Variants in PLCE1 observed in about 807,000 individuals in gnomAD.
PLCE1 encodes 1-phosphatidylinositol 4,5-bisphosphate phosphodiesterase epsilon-1.
In PLCE1, 119 loss-of-function variants were observed where a neutral mutation model predicts 242.8. The observed-to-expected ratio is 0.49, with a 90% CI of 0.42 to 0.57. The LOEUF is 0.57. PLCE1 is among the 20% of genes least tolerant of loss of function. The pLI, the probability that PLCE1 is intolerant of heterozygous loss-of-function variation, is 0.00. For missense variants in PLCE1, 2,441 were observed against 2,788.8 expected (o/e 0.88, Z 2.81); for synonymous variants, 945 against 1,017.4 (o/e 0.93, Z 1.35).
chr10:93,997,432 T>C (rs1303359809), intron 1 of PLCE1, among the ~76,000 whole-genome samples: 4 of 152,044 alleles, frequency 2.6e-5, no homozygotes, highest in African/African-American at 9.7e-5. Flanking sequence ...GATTAGGGAG[T>C]GTGGACTTCC....
intron 2 of PLCE1, among the ~76,000 whole-genome samples, chr10:94,127,027 G>A (rs1235379326): frequency 2.0e-5 from 3 of 152,140 alleles, no homozygotes; most frequent in African/African-American, 7.2e-5. Flanking sequence ...AGGTGTGTAA[G>A]GCTGACTGTA....
intron 2 of PLCE1, among the ~76,000 whole-genome samples, chr10:94,122,218 A>T (rs1470877025): frequency 6.6e-6 from 1 of 152,108 alleles, no homozygotes; most frequent in African/African-American, 2.4e-5. Context: ...TCTTGCAGGG[A>T]ATTTGTCCCC....
intron 4 of PLCE1, among the ~76,000 whole-genome samples, chr10:94,178,526 G>T (rs2048194905): frequency 1.3e-5 from 2 of 152,200 alleles, no homozygotes; most frequent in Admixed American, 1.3e-4. Context: ...CTTCTGTCCA[G>T]TAGGTTTCAC....
chr10:94,156,155 C>T (rs2136163936), intron 3 of PLCE1, among the ~76,000 whole-genome samples: 1 of 152,266 alleles, frequency 6.6e-6, no homozygotes, highest in Non-Finnish European at 1.5e-5. Flanking sequence ...CACAACACTT[C>T]TGACACCAAA....
chr10:94,064,031 A>G (rs1016092368), intron 2 of PLCE1, among the ~76,000 whole-genome samples: 3 of 152,088 alleles, frequency 2.0e-5, no homozygotes, highest in African/African-American at 7.2e-5. Flanking sequence ...TGAGAGGTGG[A>G]CTGGGGTCAG....
At chr10:94,235,694 G>A (rs1002526069) in intron 6 of PLCE1, 12 of 979,546 alleles carry the variant, frequency 1.2e-5, no homozygotes, top group African/African-American at 3.5e-5. Flanking sequence ...GTGGAGTGTC[G>A]ATTCCCAGAG....
At position 94,331,682 on chromosome 10, in the gene PLCE1, T is replaced by C. The variant is rs2054157250; in HGVS notation, c.*3739T>C. On this transcript the variant is annotated 3_prime_UTR_variant, in exon 33 of 33. Transcript: ENST00000371380. ...GAGAGAAAAGGGAGATTGTCTCTTA[T>C]ACAGAGTCTAGACTTGGGTCAATAT... 1.3e-5 allele frequency: 2 copies of C among 152,166 alleles called. No individual in the cohort carries two copies. Among genetic ancestry groups the C allele is most frequent in the South Asian group, 2.1e-4 (1 of 4,824 alleles). The allele number at this position is 152,166 out of a possible 1,614,324, so 9.4% of individuals were successfully genotyped here. A position where few individuals can be genotyped will look rare whatever the true frequency, so the allele number is the denominator to read the frequency against.
At chr10:94,176,439 TCTC>T (rs2048128675) in intron 4 of PLCE1, among the ~76,000 whole-genome samples, 1 of 152,144 alleles carries the variant, frequency 6.6e-6, no homozygotes, top group Non-Finnish European at 1.5e-5. Context: ...TCTCTCGTCT[TCTC>T]TTTTTTTCCA....
chr10:94,108,557 AC>A (rs2045838994), intron 2 of PLCE1: 1 of 152,230 alleles, frequency 6.6e-6, no homozygotes, highest in Non-Finnish European at 1.5e-5. Context: ...CAAACAAAAC[AC>A]TTTTCAGGGT....
chr10:94,235,256 G>A (rs956175899), intron 6 of PLCE1, among the ~76,000 whole-genome samples: 4 of 152,076 alleles, frequency 2.6e-5, no homozygotes, highest in Non-Finnish European at 4.4e-5. Context: ...TCTGGGTTAT[G>A]AGCTAGGATA....
At chr10:94,058,438 A>G (rs2043962900) in intron 2 of PLCE1, among the ~76,000 whole-genome samples, 1 of 152,232 alleles carries the variant, frequency 6.6e-6, no homozygotes, top group African/African-American at 2.4e-5. Flanking sequence ...CACGATAATC[A>G]AGTTTGGGAA....
intron 7 of PLCE1, among the ~76,000 whole-genome samples, chr10:94,238,381 A>G (rs549012787): frequency 9.8e-5 from 15 of 152,360 alleles, no homozygotes; most frequent in African/African-American, 3.6e-4. Flanking sequence ...AGTTGTGCCT[A>G]GCGAGCTGAA....
At chr10:94,265,115 G>GC (rs2051466733) in intron 14 of PLCE1, among the ~76,000 whole-genome samples, 1 of 152,184 alleles carries the variant, frequency 6.6e-6, no homozygotes, top group South Asian at 2.1e-4. Context: ...GAGCGGTGTG[G>GC]CTCCATGCAA....
chr10:94,196,398 G>A lies in PLCE1; in HGVS notation c.1809+24902G>A, dbSNP rs557010344. Among the ~76,000 whole-genome samples, 210 of 152,314 alleles carry A rather than the reference G, an allele frequency of 1.4e-3. 1 individual carries two copies. Among genetic ancestry groups the A allele is most frequent in the Middle Eastern group, 6.8e-3 (2 of 294 alleles). On this transcript the variant is annotated intron_variant, in intron 4 of 32. Coordinates refer to ENST00000371380, the MANE Select transcript of PLCE1 (RefSeq NM_016341.4). ...TTGTCACAGCTGGGTAGTGCCCCCA[G>A]AGAAGAAGCAGCTGTAGCCCCAGGA...
At position 94,141,605 on chromosome 10, in the gene PLCE1, AG is replaced by A. The variant is rs2046965370; in HGVS notation, c.1492+9149del. Among the ~76,000 whole-genome samples, 6 of 3,098 alleles carry A rather than the reference AG, an allele frequency of 1.9e-3. 1 individual carries two copies. In the East Asian group the frequency reaches 0.029, roughly 15 times the overall value. The allele number at this position is 3,098 out of a possible 152,430, so 2.0% of individuals were successfully genotyped here. ...TGAAGGGAAGGCTAAGGGAAGGCAAAGGGAAGGAGAAAGGAAGGCAGAAGGA... is the reference window on the plus strand; with the variant it reads ...TGAAGGGAAGGCTAAGGGAAGGCAAAGGAAGGAGAAAGGAAGGCAGAAGGA... On this transcript the variant is annotated intron_variant, in intron 3 of 32. Transcript: ENST00000371380.
At chr10:94,234,386 C>A in intron 6 of PLCE1, 74 bp downstream of exon 6, 1 of 1,471,548 alleles carries the variant, frequency 6.8e-7, no homozygotes, top group Non-Finnish European at 9.4e-7. Context: ...TGTCTGTGCT[C>A]ACCAAAGAAA....
At chr10:94,050,269 G>A (rs1260552473) in intron 2 of PLCE1, among the ~76,000 whole-genome samples, 16 of 152,168 alleles carry the variant, frequency 1.1e-4, no homozygotes, top group Admixed American at 1.0e-3. Context: ...AGGCGGAAGG[G>A]GAAGCAGTCA....
chr10:94,265,046 C>A (rs2051462883), intron 14 of PLCE1, among the ~76,000 whole-genome samples: 1 of 152,196 alleles, frequency 6.6e-6, no homozygotes, highest in African/African-American at 2.4e-5. Flanking sequence ...GCTTAGGAAG[C>A]TATCATAGTA....
At chr10:94,039,148 A>G (rs184898422) in intron 2 of PLCE1, among the ~76,000 whole-genome samples, 1 of 152,312 alleles carries the variant, frequency 6.6e-6, no homozygotes, top group Non-Finnish European at 1.5e-5. Flanking sequence ...ATTGTTGGAC[A>G]TTGAGTTGTT....
Sources: allele counts gnomAD v4.1 joint callset (sites outside exome capture counted in the v4.1 genomes callset), GRCh38; gene constraint gnomAD v4.1.1; transcripts MANE v1.5; gene names NCBI Gene and HGNC (gene_info 2026-07-23, HGNC 2026-07-21).